Variants in CPEB3 observed in about 807,000 individuals in gnomAD.
CPEB3 encodes cytoplasmic polyadenylation element-binding protein 3.
A neutral mutation model predicts 67.2 loss-of-function variants in CPEB3; 20 were observed. That is an observed-to-expected ratio of 0.30 (90% CI 0.21 to 0.43). The LOEUF is 0.43. Among genes scored for constraint, CPEB3 ranks in the 20% least tolerant of loss-of-function variants. The pLI is 1.00. For synonymous variants in CPEB3, 376 were observed against 393.1 expected (o/e 0.96, Z 0.51); for missense variants, 746 against 968.6 (o/e 0.77, Z 3.05).
intron 3 of CPEB3, among the ~76,000 whole-genome samples, chr10:92,184,206 G>A (rs571807610): frequency 6.6e-6 from 1 of 152,248 alleles, no homozygotes; most frequent in South Asian, 2.1e-4. Flanking sequence ...ATCACTAATT[G>A]GTGAAAAGCA....
At chr10:92,098,187 A>T (rs1394981554) in intron 7 of CPEB3, among the ~76,000 whole-genome samples, 8 of 149,614 alleles carry the variant, frequency 5.3e-5, no homozygotes, top group Admixed American at 5.3e-4. Flanking sequence ...AAAAAAAAAA[A>T]AAAAAAAAAA....
chr10:92,095,422 T>G (rs1175625960), intron 7 of CPEB3, among the ~76,000 whole-genome samples: 1 of 151,988 alleles, frequency 6.6e-6, no homozygotes, highest in Non-Finnish European at 1.5e-5. Context: ...AATAATATTG[T>G]GGTACTATCT....
intron 2 of CPEB3, among the ~76,000 whole-genome samples, chr10:92,214,486 C>A (rs1423404246): frequency 6.6e-6 from 1 of 151,754 alleles, no homozygotes; most frequent in Non-Finnish European, 1.5e-5. Flanking sequence ...AGATACCACT[C>A]AATTTTTTTT....
intron 9 of CPEB3, among the ~76,000 whole-genome samples, chr10:92,066,573 T>G (rs1842555343): frequency 1.3e-5 from 2 of 152,178 alleles, no homozygotes; most frequent in Non-Finnish European, 2.9e-5. Context: ...AGCCCATTTA[T>G]CTGGTGTGCT....
chr10:92,230,981 T>C (rs981719902), intron 2 of CPEB3, among the ~76,000 whole-genome samples: 1 of 152,160 alleles, frequency 6.6e-6, no homozygotes, highest in Non-Finnish European at 1.5e-5. Context: ...ACCTTTGATA[T>C]CTCCAGAACC....
At chr10:92,206,742 T>G (rs1360865951) in intron 2 of CPEB3, among the ~76,000 whole-genome samples, 2 of 152,226 alleles carry the variant, frequency 1.3e-5, no homozygotes, top group Non-Finnish European at 2.9e-5. Context: ...TACTTAAAGG[T>G]CATACTTTAA....
chr10:92,123,949 T>G (rs1254561976), intron 6 of CPEB3, among the ~76,000 whole-genome samples: 1 of 152,218 alleles, frequency 6.6e-6, no homozygotes, highest in African/African-American at 2.4e-5. Context: ...ACATATCCTC[T>G]GTTGGTCTCA....
intron 2 of CPEB3, among the ~76,000 whole-genome samples, chr10:92,213,346 T>A (rs1327380904): frequency 6.6e-6 from 1 of 152,176 alleles, no homozygotes; most frequent in African/African-American, 2.4e-5. Context: ...TGAATAAGAA[T>A]TGTAAAGTGA....
intron 2 of CPEB3, among the ~76,000 whole-genome samples, chr10:92,234,197 A>G (rs1003114806): frequency 6.6e-6 from 1 of 152,012 alleles, no homozygotes; most frequent in Non-Finnish European, 1.5e-5. Context: ...ATTAAATTTG[A>G]ATCCAGGCAA....
At position 92,134,330 on chromosome 10, in the gene CPEB3, A is replaced by G. The variant is rs553978794; in HGVS notation, c.1453+8699T>C. Among the ~76,000 whole-genome samples the G allele has an allele frequency of 1.1e-4, 16 of 152,220 alleles. No homozygotes were observed. In the South Asian group the frequency reaches 3.3e-3, roughly 32 times the overall value. The stretch of plus-strand genomic sequence containing the variant: ...CAACTTCAGCAAAGTCTCAGGATAC[A>G]AAATCAATATGCAAAAATCACAAGC... On this transcript the variant is annotated intron_variant, in intron 6 of 9. Coordinates refer to ENST00000265997, the MANE Select transcript of CPEB3 (RefSeq NM_014912.5).
intron 1 of CPEB3, among the ~76,000 whole-genome samples, chr10:92,266,037 G>C (rs1162355783): frequency 6.6e-6 from 1 of 152,062 alleles, no homozygotes; most frequent in Non-Finnish European, 1.5e-5. Context: ...AGAAACCTGA[G>C]CTTAGTGCCC....
chr10:92,259,535 A>C (rs1590559084), intron 1 of CPEB3, among the ~76,000 whole-genome samples: 1 of 151,842 alleles, frequency 6.6e-6, no homozygotes, highest in Admixed American at 6.6e-5. Context: ...CGGGAGGCGG[A>C]AGTTGCAGTG....
In CPEB3 at chr10:92,240,166, G is replaced by C. The variant is rs1413383198; in HGVS notation, c.185C>G (p.Pro62Arg). ...CTTGTCCGGGCCGTTGGGGGCCGGG[G>C]GGGCAGCGGCTGGGCTGAGGGCCGG... ...AVPALSPAAA[P>R]PAPNGPDKMQ... The change falls in exon 2 of 10, where the codon CCC (proline) becomes CGC (arginine). Residue 62 changes from proline to arginine, a missense_variant. By Grantham distance (103) the Pro-to-Arg change is moderately radical (BLOSUM62 -2). Coordinates refer to ENST00000265997, the MANE Select transcript of CPEB3 (RefSeq NM_014912.5). 2.6e-6 allele frequency: 4 copies of C among 1,547,628 alleles called. No homozygotes were observed. The highest frequency in any genetic ancestry group is 3.4e-4 in the Middle Eastern group (2 of 5,906).
chr10:92,066,811 G>A (rs1365499971), intron 9 of CPEB3, among the ~76,000 whole-genome samples: 4 of 152,092 alleles, frequency 2.6e-5, no homozygotes, highest in Non-Finnish European at 5.9e-5. Context: ...TTGGGAGGCC[G>A]AAGCGGGCGG....
chr10:92,078,355 C>G (rs1756722623), intron 9 of CPEB3, among the ~76,000 whole-genome samples: 1 of 152,146 alleles, frequency 6.6e-6, no homozygotes, highest in Non-Finnish European at 1.5e-5. Context: ...ACATTTGTAG[C>G]AAGATGAATA....
At chr10:92,224,595 A>G (rs376263454) in intron 2 of CPEB3, among the ~76,000 whole-genome samples, 203 of 152,060 alleles carry the variant, frequency 1.3e-3, no homozygotes, top group African/African-American at 4.2e-3. Context: ...CTGGCTGAGC[A>G]TGGTGTCTCA....
chr10:92,197,014 T>C (rs1392305854), intron 2 of CPEB3, among the ~76,000 whole-genome samples: 1 of 152,052 alleles, frequency 6.6e-6, no homozygotes. Context: ...ATCTGTACCA[T>C]GGTGGCTACC....
At chr10:92,061,992 A>C (rs1255297739) in intron 9 of CPEB3, among the ~76,000 whole-genome samples, 1 of 152,202 alleles carries the variant, frequency 6.6e-6, no homozygotes, top group African/African-American at 2.4e-5. Context: ...CTGTAATCCC[A>C]ACACTTTGGG....
chr10:92,088,221 C>A (rs1843456427), intron 8 of CPEB3, among the ~76,000 whole-genome samples: 1 of 147,048 alleles, frequency 6.8e-6, no homozygotes, highest in Non-Finnish European at 1.5e-5. Flanking sequence ...TTTTTTCCAA[C>A]CTAATTTTTT....
Sources: allele counts gnomAD v4.1 joint callset (sites outside exome capture counted in the v4.1 genomes callset), GRCh38; gene constraint gnomAD v4.1.1; transcripts MANE v1.5; gene names NCBI Gene and HGNC (gene_info 2026-07-23, HGNC 2026-07-21).